The following DAB1 variants were observed in gnomAD, a reference collection of about 807,000 sequenced individuals.
The protein encoded by DAB1 is disabled homolog 1.
DAB1 carries 15 observed loss-of-function variants against 64.6 expected under a neutral mutation model. The ratio of observed to expected loss-of-function variants is 0.23; its 90% CI spans 0.16 to 0.36. The LOEUF is 0.36. Among genes scored for constraint, DAB1 ranks in the 10% least tolerant of loss-of-function variants. DAB1 has a pLI of 1.00. For synonymous variants in DAB1, 235 were observed against 251.9 expected, an observed-to-expected ratio of 0.93 and a Z score of 0.64; for missense variants, 596 against 706.7, an observed-to-expected ratio of 0.84 and a Z score of 1.78.
At chr1:57,339,939 G>A (rs1338047108) in intron 1 of DAB1, among the ~76,000 whole-genome samples, 7 of 152,078 alleles carry the variant, frequency 4.6e-5, no homozygotes, top group Non-Finnish European at 1.0e-4. Context: ...GGTAGAGCTC[G>A]GGAGGTTTGT....
At chr1:57,047,163 A>T (rs1648607459) in intron 9 of DAB1, among the ~76,000 whole-genome samples, 3 of 152,204 alleles carry the variant, frequency 2.0e-5, no homozygotes, top group Admixed American at 2.0e-4. Flanking sequence ...AACTCCTCTG[A>T]TCTTCAATAT....
chr1:58,217,790 T>C (rs1658934727), intron 4 of DAB1, among the ~76,000 whole-genome samples: 1 of 152,184 alleles, frequency 6.6e-6, no homozygotes, highest in Non-Finnish European at 1.5e-5. Flanking sequence ...CATGCACTTT[T>C]TAAGCACTTC....
chr1:57,835,775 C>T (rs930726432), intron 1 of DAB1, among the ~76,000 whole-genome samples: 6 of 152,186 alleles, frequency 3.9e-5, no homozygotes, highest in African/African-American at 1.4e-4. Context: ...CTGAAGCCTG[C>T]AGCAGGGTTA....
intron 4 of DAB1, among the ~76,000 whole-genome samples, chr1:58,279,400 T>C (rs1661507250): frequency 6.6e-6 from 1 of 152,228 alleles, no homozygotes; most frequent in Non-Finnish European, 1.5e-5. Context: ...AGGCCTGGCC[T>C]GTTATTAGAC....
intron 2 of DAB1, among the ~76,000 whole-genome samples, chr1:57,157,088 C>T (rs1245042108): frequency 2.6e-5 from 4 of 152,172 alleles, no homozygotes; most frequent in Non-Finnish European, 5.9e-5. Flanking sequence ...AATGGCCTCC[C>T]ACTCCAGGCT....
chr1:58,545,377 TGTC>T (rs1409664733), intron 1 of DAB1, among the ~76,000 whole-genome samples: 12 of 152,202 alleles, frequency 7.9e-5, no homozygotes, highest in African/African-American at 2.9e-4. Flanking sequence ...GACAACCAAG[TGTC>T]GTTTTGAATA....
intron 2 of DAB1, among the ~76,000 whole-genome samples, chr1:57,193,539 A>C (rs1238140453): frequency 6.6e-6 from 1 of 151,740 alleles, no homozygotes; most frequent in East Asian, 1.9e-4. Context: ...GGCGCCCGCC[A>C]CTATGCCCAG....
chr1:58,187,517 T>C (rs967075382), intron 4 of DAB1, among the ~76,000 whole-genome samples: 3 of 150,686 alleles, frequency 2.0e-5, no homozygotes, highest in Admixed American at 6.6e-5. Flanking sequence ...AGGAAAATTC[T>C]GCTAAATACA....
chr1:58,466,487 G>A (rs1168199178), intron 3 of DAB1, among the ~76,000 whole-genome samples: 1 of 152,100 alleles, frequency 6.6e-6, no homozygotes, highest in Non-Finnish European at 1.5e-5. Context: ...AGCAATGTGG[G>A]GGCCCAAGGG....
chr1:57,207,781 A>G (rs1232413776), intron 2 of DAB1, among the ~76,000 whole-genome samples: 1 of 152,150 alleles, frequency 6.6e-6, no homozygotes, highest in Non-Finnish European at 1.5e-5. Context: ...CTGCCTCTCT[A>G]GATAGTAACT....
intron 9 of DAB1, among the ~76,000 whole-genome samples, chr1:57,032,677 G>A (rs762694122): frequency 1.3e-5 from 2 of 152,134 alleles, no homozygotes; most frequent in Non-Finnish European, 2.9e-5. Flanking sequence ...GAATTAATTG[G>A]TTTGAGGTAA....
At chr1:58,428,492 A>T (rs187629094) in intron 3 of DAB1, among the ~76,000 whole-genome samples, 2 of 152,322 alleles carry the variant, frequency 1.3e-5, no homozygotes, top group East Asian at 3.9e-4. Flanking sequence ...GAGACCAAAG[A>T]GCTATATGTC....
At chr1:58,065,951 C>G (rs543312356) in intron 5 of DAB1, among the ~76,000 whole-genome samples, 2 of 152,154 alleles carry the variant, frequency 1.3e-5, no homozygotes, top group Non-Finnish European at 2.9e-5. Flanking sequence ...CCGAGGCAAT[C>G]CCAGGGAAGG....
chr1:57,913,608 C>G (rs1644680987), intron 5 of DAB1, among the ~76,000 whole-genome samples: 1 of 152,170 alleles, frequency 6.6e-6, no homozygotes. Flanking sequence ...TCTAACTAAA[C>G]TAAAGAGCTT....
chr1:58,294,469 A>C (rs1049699318), intron 4 of DAB1, among the ~76,000 whole-genome samples: 10 of 152,336 alleles, frequency 6.6e-5, no homozygotes, highest in Admixed American at 4.6e-4. Flanking sequence ...TAAAGGGAAT[A>C]AAGAAACATT....
chr1:57,672,801 ATC>A (rs916972368), intron 6 of DAB1, among the ~76,000 whole-genome samples: 3 of 151,966 alleles, frequency 2.0e-5, no homozygotes, highest in African/African-American at 7.3e-5. Context: ...TTCTTTATTC[ATC>A]TCTCTCTCTC....
intron 5 of DAB1, among the ~76,000 whole-genome samples, chr1:58,128,175 A>G (rs1272872237): frequency 6.6e-6 from 1 of 151,992 alleles, no homozygotes; most frequent in Non-Finnish European, 1.5e-5. Flanking sequence ...GGTCCTTCAT[A>G]TCCCTTGTAA....
At chr1:57,893,152 T>C (rs535435153) in intron 5 of DAB1, among the ~76,000 whole-genome samples, 2 of 152,256 alleles carry the variant, frequency 1.3e-5, no homozygotes, top group East Asian at 3.9e-4. Context: ...CACAGTCATC[T>C]TTCTCAAAAG....
intron 3 of DAB1, among the ~76,000 whole-genome samples, chr1:58,393,493 T>C (rs949470393): frequency 2.0e-5 from 3 of 152,184 alleles, no homozygotes; most frequent in Non-Finnish European, 2.9e-5. Flanking sequence ...GTTTTACATA[T>C]TAAAAAACTG....
Sources: allele counts gnomAD v4.1 joint callset (sites outside exome capture counted in the v4.1 genomes callset), GRCh38; gene constraint gnomAD v4.1.1; transcripts MANE v1.5; gene names NCBI Gene and HGNC (gene_info 2026-07-23, HGNC 2026-07-21).